The following MARF1 variants were observed in gnomAD, a reference collection of about 807,000 sequenced individuals.
MARF1 encodes meiosis regulator and mRNA stability factor 1.
A neutral mutation model predicts 168.2 loss-of-function variants in MARF1; 24 were observed. The observed-to-expected ratio is 0.14, with a 90% CI of 0.10 to 0.20. MARF1 has a LOEUF of 0.20. MARF1 is among the 10% of genes least tolerant of loss of function. MARF1 has a pLI of 1.00. For synonymous variants in MARF1, 868 were observed against 822.4 expected (o/e 1.06, Z -0.95); for missense variants, 1,744 against 2,143.6 (o/e 0.81, Z 3.68).
intron 17 of MARF1, 62 bp from the exon 18 acceptor site, chr16:15,611,796 C>T: frequency 1.4e-6 from 2 of 1,434,446 alleles, no homozygotes; most frequent in Non-Finnish European, 1.9e-6. Context: ...TTCCTTGCTG[C>T]TGGCTCACCC....
At chr16:15,599,154 TAAAA>T (rs565989147) in intron 25 of MARF1, 130 bp from the exon 26 acceptor site, 236 of 298,474 alleles carry the variant, frequency 7.9e-4, no homozygotes, top group Middle Eastern at 1.0e-3. Context: ...TTTAAGGTAT[TAAAA>T]AAAAAAAAAA....
At chr16:15,611,904 A>T (rs1272950346) in intron 17 of MARF1, among the ~76,000 whole-genome samples, 170 bp from the exon 18 acceptor site, 2 of 152,208 alleles carry the variant, frequency 1.3e-5, no homozygotes, top group African/African-American at 4.8e-5. Context: ...AAAAGGAACA[A>T]ATGTCCAAGG....
chr16:15,625,788 G>A lies in MARF1; in HGVS notation c.1537C>T (p.Leu513=), dbSNP rs751630240. 2.5e-5 allele frequency: 41 copies of A among 1,613,308 alleles called. No homozygotes were observed. The highest frequency in any genetic ancestry group is 1.6e-4 in the Middle Eastern group (1 of 6,080). The change falls in exon 8 of 27, where the codon CTG becomes TTG. Residue 513 remains leucine, a synonymous_variant. Coordinates refer to ENST00000396368, the MANE Select transcript of MARF1 (RefSeq NM_014647.4). ...GCTGGTAGGTTATAAACATAGAGCA[G>A]AGTGTGGCACTGCTAATACAGAGGA... ...LPLKMPQCHT[L]LYVYNLPANK...
intron 7 of MARF1, among the ~76,000 whole-genome samples, chr16:15,628,444 C>CT (rs1301403574): frequency 1.3e-5 from 2 of 151,898 alleles, no homozygotes; most frequent in African/African-American, 4.8e-5. Context: ...ACAGTCTACT[C>CT]TGTCACCCAG....
At chr16:15,611,172 T>G in intron 18 of MARF1, 64 bp from the exon 19 acceptor site, 1 of 1,548,244 alleles carries the variant, frequency 6.5e-7, no homozygotes, top group Non-Finnish European at 8.9e-7. Context: ...AACTACAAGT[T>G]TTCCGGCCGG....
chr16:15,610,128 G>A (rs925719590), intron 19 of MARF1, among the ~76,000 whole-genome samples: 1 of 151,868 alleles, frequency 6.6e-6, no homozygotes, highest in African/African-American at 2.4e-5. Context: ...CACTTTTTTT[G>A]TTTATTCATC....
At chr16:15,625,195 G>C (rs554090256) in intron 8 of MARF1, 22 bp from the exon 9 acceptor site, 2 of 1,608,542 alleles carry the variant, frequency 1.2e-6, no homozygotes, top group African/African-American at 1.3e-5. Flanking sequence ...CAAGCACAGT[G>C]GGGTTTAAAT....
At chr16:15,612,836 G>A (rs1690931533) in intron 16 of MARF1, 59 bp from the exon 17 acceptor site, 2 of 1,445,108 alleles carry the variant, frequency 1.4e-6, no homozygotes, top group African/African-American at 2.8e-5. Context: ...CTGAAAGAAG[G>A]GAAAATGGCC....
chr16:15,606,063 C>G (rs1177944943), intron 21 of MARF1: 2 of 152,376 alleles, frequency 1.3e-5, no homozygotes, highest in Non-Finnish European at 2.9e-5. Flanking sequence ...TGTCATTACC[C>G]CATCCAACAT....
intron 13 of MARF1, among the ~76,000 whole-genome samples, chr16:15,618,645 T>A (rs2034238471): frequency 6.6e-6 from 1 of 152,150 alleles, no homozygotes; most frequent in African/African-American, 2.4e-5. Context: ...ATTCCATCCA[T>A]TCCTGCCCTC....
rs1596493845 is a variant in MARF1 at position 15,630,624 on chromosome 16, T to A, written c.1352-120A>T. 3.7e-6 allele frequency: 3 copies of A among 803,536 alleles called. No individual in the cohort carries two copies. In the East Asian group the frequency reaches 8.9e-5, roughly 24 times the overall value. The allele number at this position is 803,536 out of a possible 1,614,324, so 49.8% of individuals were successfully genotyped here. On this transcript the variant is annotated intron_variant, in intron 6 of 26. Transcript: ENST00000396368. ...AAGGCTGGACTATATTCAAAATTGC[T>A]TCCCCCGTTTCTTAGGAAAGAAACA...
chr16:15,597,384 G>A (rs779067563), intron 26 of MARF1, among the ~76,000 whole-genome samples: 1 of 152,154 alleles, frequency 6.6e-6, no homozygotes, highest in Non-Finnish European at 1.5e-5. Context: ...ATTTAGAGAG[G>A]ACCTATGCTC....
At position 15,596,883 on chromosome 16, in the gene MARF1, C is replaced by G; in HGVS notation, c.5039G>C (p.Ser1680Thr). The change falls in exon 27 of 27, where the codon AGC (serine) becomes ACC (threonine). Residue 1680 changes from serine (S) to threonine (T), a missense_variant. By Grantham distance (58) the Ser-to-Thr change is moderately conservative. Coordinates refer to ENST00000396368, the MANE Select transcript of MARF1 (RefSeq NM_014647.4). ...EKMEIPIPGK[S>T]KTLTSDSSSS... ...GCTGGAGTCAGAGGTCAGAGTTTTG[C>G]TCTTTCCTGGTATTGGAATCTCCAT... is the stretch of plus-strand genomic sequence containing the variant. 1.9e-6 allele frequency: 3 copies of G among 1,613,568 alleles called. No homozygotes were observed. The highest frequency in any genetic ancestry group is 2.2e-5 in the South Asian group (2 of 91,006).
chr16:15,604,430 G>A (rs1280252589), intron 21 of MARF1, 32 bp from the exon 22 acceptor site: 1 of 1,499,868 alleles, frequency 6.7e-7, no homozygotes, highest in Middle Eastern at 1.7e-4. Context: ...ACTTTTCAGA[G>A]CTCAAGAGAG....
In MARF1 at chr16:15,604,360, G is replaced by T; in HGVS notation, c.4221C>A (p.Ile1407=). 6.2e-7 allele frequency: 1 copy of T among 1,614,156 alleles called. No individual in the cohort carries two copies. Among genetic ancestry groups the T allele is most frequent in the South Asian group, 1.1e-5 (1 of 91,090 alleles). The change falls in exon 22 of 27, where the codon ATC becomes ATA. Residue 1407 remains isoleucine (I), a synonymous_variant. Transcript: ENST00000396368. ...DIESGRQIQL[I]NRKSLRSLTA... Reference sequence around the variant, plus strand: ...TGAGAGATCGCAGAGACTTTCGGTTGATCAGCTGAATCTGTCTGCCAGATT... The same window carrying T: ...TGAGAGATCGCAGAGACTTTCGGTTTATCAGCTGAATCTGTCTGCCAGATT...
rs1274093482 is a variant in MARF1, at chr16:15,598,859, G to A, written c.4979C>T (p.Pro1660Leu). The stretch of plus-strand genomic sequence containing the variant: ...GACAACATGGAGTCACCCACCAGAA[G>A]GCTCTTGAGGGCGCTCCTCAAACTG... ...LIQFEERPQEPSEIMILNQEE... is the reference protein window; with the variant it reads ...LIQFEERPQELSEIMILNQEE... Residue 1660 changes from proline to leucine, a missense_variant, in exon 26 of 27, where the codon CCT becomes CTT. Pro to Leu is a moderately conservative substitution (Grantham distance 98). Transcript: ENST00000396368. The A allele has an allele frequency of 2.5e-6, 4 of 1,613,942 alleles. No individual in the cohort carries two copies. The Admixed American group carries it at 6.7e-5, about 27-fold the overall frequency.
intron 7 of MARF1, among the ~76,000 whole-genome samples, chr16:15,626,961 GA>G (rs71134441): frequency 4.5e-4 from 52 of 116,348 alleles, no homozygotes; most frequent in East Asian, 7.5e-4. Flanking sequence ...GAGATTCTGT[GA>G]AAAAAAAAAA....
At chr16:15,614,696 G>A (rs563399999) in intron 16 of MARF1, among the ~76,000 whole-genome samples, 1 of 151,962 alleles carries the variant, frequency 6.6e-6, no homozygotes, top group South Asian at 2.1e-4. Context: ...AGGAGACTGA[G>A]GCAGGGGAAT....
In MARF1 at chr16:15,609,626, A is replaced by C; in HGVS notation, c.3851T>G (p.Phe1284Cys). Residue 1284 changes from phenylalanine to cysteine, a missense_variant, in exon 20 of 27, where the codon TTT (phenylalanine) becomes TGT (cysteine). By Grantham distance (205) the Phe-to-Cys change is radical (BLOSUM62 -2). This residue lies in a region of MARF1 where 543 missense variants were observed against 742.1 expected (regional missense o/e 0.73). Transcript: ENST00000396368. ...QPHFRMPFNK[F>C]IPSYHHHFGR... ...AAAGTGGTGATGGTAAGAAGGGATAAATTTATTAAAGGGCATCCGGAAATG... is the reference window on the plus strand; with the variant it reads ...AAAGTGGTGATGGTAAGAAGGGATACATTTATTAAAGGGCATCCGGAAATG... 2 of 1,614,178 alleles carry C rather than the reference A, an allele frequency of 1.2e-6. No homozygotes were observed. Among genetic ancestry groups the C allele is most frequent in the Non-Finnish European group, 1.7e-6 (2 of 1,180,022 alleles).
Sources: allele counts gnomAD v4.1 joint callset (sites outside exome capture counted in the v4.1 genomes callset), GRCh38; gene constraint gnomAD v4.1.1; regional missense constraint gnomAD v4.1.1; transcripts MANE v1.5; gene names NCBI Gene and HGNC (gene_info 2026-07-23, HGNC 2026-07-21).